LARP4B: variants seen among roughly 807,000 people sequenced by gnomAD.
LARP4B encodes La ribonucleoprotein 4B, also known as la-related protein 4B.
LARP4B carries 12 observed loss-of-function variants against 89.8 expected under a neutral mutation model. The ratio of observed to expected loss-of-function variants is 0.13; its 90% CI spans 0.09 to 0.22. LARP4B has a LOEUF of 0.22. Among genes scored for constraint, LARP4B ranks in the 10% least tolerant of loss-of-function variants. The pLI is 1.00. For missense variants in LARP4B, 757 were observed against 947.7 expected (o/e 0.80, Z 2.64); for synonymous variants, 367 against 363.3 (o/e 1.01, Z -0.12).
chr10:836,131 A>C (rs1833207670), intron 8 of LARP4B, among the ~76,000 whole-genome samples: 1 of 152,158 alleles, frequency 6.6e-6, no homozygotes, highest in Admixed American at 6.5e-5. Flanking sequence ...ATTTTTAAAT[A>C]AATATTTAAA....
At chr10:856,065 A>G (rs1453712715) in intron 5 of LARP4B, among the ~76,000 whole-genome samples, 2 of 152,274 alleles carry the variant, frequency 1.3e-5, no homozygotes, top group Non-Finnish European at 2.9e-5. Context: ...TACAAAAACT[A>G]ACCTAAAATG....
chr10:842,289 C>G (rs1254873562), intron 7 of LARP4B, among the ~76,000 whole-genome samples: 1 of 152,046 alleles, frequency 6.6e-6, no homozygotes, highest in Admixed American at 6.6e-5. Context: ...CCTCCGCCTC[C>G]TGGGTTCAAG....
chr10:815,979 C>T (rs1344346074), intron 15 of LARP4B, among the ~76,000 whole-genome samples: 2 of 152,198 alleles, frequency 1.3e-5, no homozygotes, highest in Non-Finnish European at 2.9e-5. Context: ...CTATAATCCC[C>T]GCATTTTGGG....
downstream of LARP4B, chr10:807,603 G>A (rs1313686232): frequency 6.6e-6 from 1 of 152,374 alleles, no homozygotes; most frequent in Non-Finnish European, 1.5e-5. Flanking sequence ...GGGAGGCCCA[G>A]CCTGTATCAG....
upstream of LARP4B, among the ~76,000 whole-genome samples, chr10:932,138 G>A (rs867869966): frequency 2.6e-5 from 4 of 151,790 alleles, no homozygotes; most frequent in African/African-American, 9.7e-5. Flanking sequence ...TGGCGACCCC[G>A]GCCCTAGCCT....
At position 898,626 on chromosome 10, in the gene LARP4B, A is replaced by C. The variant is rs145429291; in HGVS notation, c.-39-12866T>G. ...AAATCAAAATAAAGAGGCATTTCCTAAACAGCAGGTAATTCTTTTCTGGTA... is the reference window on the plus strand; with the variant it reads ...AAATCAAAATAAAGAGGCATTTCCTCAACAGCAGGTAATTCTTTTCTGGTA... On this transcript the variant is annotated intron_variant, in intron 1 of 17. Coordinates refer to ENST00000316157, the MANE Select transcript of LARP4B (RefSeq NM_015155.3). Among the ~76,000 whole-genome samples the C allele has an allele frequency of 2.9e-3, 444 of 152,346 alleles. 2 individuals carry two copies. Among genetic ancestry groups the C allele is most frequent in the Non-Finnish European group, 5.3e-3 (363 of 68,034 alleles).
the LARP4B span, among the ~76,000 whole-genome samples, chr10:937,155 G>A: frequency 3.9e-5 from 6 of 152,210 alleles, no homozygotes; most frequent in South Asian, 6.2e-4. Flanking sequence ...TGATCCTCCC[G>A]CCTCAGCTTC....
At chr10:910,542 T>C (rs1472785153) in intron 1 of LARP4B, among the ~76,000 whole-genome samples, 1 of 152,196 alleles carries the variant, frequency 6.6e-6, no homozygotes, top group Non-Finnish European at 1.5e-5. Flanking sequence ...AACATCTAGA[T>C]TTTACTTGGA....
chr10:833,728 A>G (rs1005741894), intron 8 of LARP4B, among the ~76,000 whole-genome samples: 3 of 152,092 alleles, frequency 2.0e-5, no homozygotes, highest in Admixed American at 6.5e-5. Flanking sequence ...TGTCTCTACT[A>G]AAAGTACAAA....
At chr10:966,488 G>C in the LARP4B span, among the ~76,000 whole-genome samples, 2 of 152,234 alleles carry the variant, frequency 1.3e-5, no homozygotes, top group Non-Finnish European at 2.9e-5. Context: ...TGTGGCACAA[G>C]CCTTTGAGGA....
intron 3 of LARP4B, among the ~76,000 whole-genome samples, chr10:878,205 C>T (rs117112699): frequency 6.6e-6 from 1 of 152,152 alleles, no homozygotes; most frequent in Admixed American, 6.5e-5. Context: ...AGGCTAGGGA[C>T]CTGCCAGAAC....
chr10:886,654 G>A (rs1431071630), intron 1 of LARP4B, among the ~76,000 whole-genome samples: 3 of 152,146 alleles, frequency 2.0e-5, no homozygotes, highest in Non-Finnish European at 4.4e-5. Flanking sequence ...AGGAAACCCC[G>A]TCGTATGCTA....
At chr10:869,657 C>T (rs1333243709) in intron 3 of LARP4B, among the ~76,000 whole-genome samples, 1 of 152,004 alleles carries the variant, frequency 6.6e-6, no homozygotes, top group Non-Finnish European at 1.5e-5. Flanking sequence ...GAGGCTGAGG[C>T]GGGTGGATCT....
At chr10:972,280 G>T in the LARP4B span, 1 of 346,668 alleles carries the variant, frequency 2.9e-6, no homozygotes, top group Non-Finnish European at 5.7e-6. Context: ...TGCCTGCCTC[G>T]ACCTCCCAAA....
chr10:947,103 C>T, the LARP4B span, among the ~76,000 whole-genome samples: 1 of 152,168 alleles, frequency 6.6e-6, no homozygotes, highest in Non-Finnish European at 1.5e-5. Flanking sequence ...CTACTGACCT[C>T]AGTTGATCCA....
At chr10:820,139 C>T (rs906511676) in intron 14 of LARP4B, 1 of 150,366 alleles carries the variant, frequency 6.7e-6, no homozygotes, top group African/African-American at 2.5e-5. Context: ...GTGGGTACTG[C>T]TAACTGCCAC....
At chr10:934,546 C>T (rs1038862066), upstream of LARP4B, among the ~76,000 whole-genome samples, 3 of 152,068 alleles carry the variant, frequency 2.0e-5, no homozygotes, top group African/African-American at 7.2e-5. Flanking sequence ...TCTTTCTCTT[C>T]GTATTGTGTA....
At chr10:930,216 AAG>A (rs1221482980) in intron 1 of LARP4B, among the ~76,000 whole-genome samples, 10 of 152,188 alleles carry the variant, frequency 6.6e-5, no homozygotes, top group African/African-American at 1.9e-4. Context: ...AACTGAAACT[AAG>A]AGAAAAAAAC....
chr10:868,561 T>G (rs533340074), intron 3 of LARP4B, among the ~76,000 whole-genome samples: 1 of 152,330 alleles, frequency 6.6e-6, no homozygotes, highest in East Asian at 1.9e-4. Context: ...TTTATGCTCT[T>G]TGTTGATGTC....
Sources: gnomAD v4.1 joint callset for allele counts (sites outside exome capture counted in the v4.1 genomes callset) on GRCh38, gnomAD v4.1.1 for gene constraint, MANE v1.5 for transcripts, NCBI Gene and HGNC (gene_info 2026-07-23, HGNC 2026-07-21) for gene names.